Variants in MARCHF2 observed in about 807,000 individuals in gnomAD.
MARCHF2 encodes the protein membrane associated ring-CH-type finger 2.
A neutral mutation model predicts 24.0 loss-of-function variants in MARCHF2; 22 were observed. The observed-to-expected ratio is 0.92, with a 90% CI of 0.66 to 1.31. The LOEUF (loss-of-function observed/expected upper bound fraction) is 1.31, where lower values mean the gene tolerates loss of function less well. Among genes scored for constraint, MARCHF2 ranks in the 50% most tolerant of loss-of-function variants. MARCHF2 has a pLI of 0.00. For synonymous variants in MARCHF2, 154 were observed against 153.0 expected (o/e 1.01, Z -0.05); for missense variants, 301 against 335.3 (o/e 0.90, Z 0.80).
chr19:8,421,533 G>A (rs370033449), intron 1 of MARCHF2, among the ~76,000 whole-genome samples: 1 of 151,992 alleles, frequency 6.6e-6, no homozygotes, highest in African/African-American at 2.4e-5. Context: ...GGCCAGGGAA[G>A]CATAGCTTTT....
chr19:8,433,167 G>A (rs1188957848), intron 4 of MARCHF2, among the ~76,000 whole-genome samples: 1 of 151,694 alleles, frequency 6.6e-6, no homozygotes, highest in Non-Finnish European at 1.5e-5. Context: ...GCAGTGAGCC[G>A]AGATTGCACC....
intron 3 of MARCHF2, among the ~76,000 whole-genome samples, chr19:8,427,519 GA>G (rs71175855): frequency 0.062 from 8,228 of 131,988 alleles, 370 homozygotes; most frequent in African/African-American, 0.13. Context: ...TGAGGTTACA[GA>G]AAAAAAAAAA....
chr19:8,425,538 T>C (rs1049192867), intron 2 of MARCHF2, among the ~76,000 whole-genome samples: 1 of 151,908 alleles, frequency 6.6e-6, no homozygotes, highest in Non-Finnish European at 1.5e-5. Flanking sequence ...GAGCTACTGC[T>C]CCCGGCCTGG....
intron 4 of MARCHF2, among the ~76,000 whole-genome samples, chr19:8,436,260 G>A (rs977125699): frequency 1.3e-5 from 2 of 151,658 alleles, no homozygotes; most frequent in African/African-American, 2.4e-5. Context: ...TCAGCCTCCC[G>A]AGTAGCTGGG....
chr19:8,420,680 C>T (rs1599702528), intron 1 of MARCHF2, among the ~76,000 whole-genome samples: 1 of 152,116 alleles, frequency 6.6e-6, no homozygotes, highest in African/African-American at 2.4e-5. Flanking sequence ...GACAGGTTCT[C>T]ACTCTGTGGC....
intron 1 of MARCHF2, among the ~76,000 whole-genome samples, chr19:8,421,298 A>G (rs1243016811): frequency 5.7e-5 from 8 of 140,448 alleles, no homozygotes; most frequent in African/African-American, 1.6e-4. Context: ...AATTTTTTGT[A>G]TTTTTAGTAG....
chr19:8,415,109 T>C (rs935580220), intron 1 of MARCHF2, among the ~76,000 whole-genome samples: 1 of 152,172 alleles, frequency 6.6e-6, no homozygotes, highest in Non-Finnish European at 1.5e-5. Flanking sequence ...CAATGAGATC[T>C]ATCTCCAGGC....
At chr19:8,429,449 C>G (rs1234860324) in intron 3 of MARCHF2, among the ~76,000 whole-genome samples, 1 of 150,858 alleles carries the variant, frequency 6.6e-6, no homozygotes, top group Non-Finnish European at 1.5e-5. Context: ...AAGACCCTGT[C>G]TCTACAAAAA....
chr19:8,429,251 A>G (rs1162332457), intron 3 of MARCHF2, among the ~76,000 whole-genome samples: 3 of 151,580 alleles, frequency 2.0e-5, no homozygotes, highest in Non-Finnish European at 4.4e-5. Flanking sequence ...CCGTTCACCC[A>G]TTTCATACCT....
At chr19:8,425,442 C>T (rs973956883) in intron 2 of MARCHF2, among the ~76,000 whole-genome samples, 1 of 151,448 alleles carries the variant, frequency 6.6e-6, no homozygotes, top group East Asian at 2.0e-4. Flanking sequence ...GATGAGATCT[C>T]ACTAGGTTGC....
Position 8,413,366 on chromosome 19 carries a change from G to C in MARCHF2, c.-107G>C, listed in dbSNP as rs890849. 0.2 allele frequency: 30,652 copies of C among 151,558 alleles called. 3,722 individuals carry two copies. The highest frequency in any genetic ancestry group is 0.61 in the East Asian group (3,114 of 5,116). The allele number at this position is 151,558 out of a possible 1,614,324, so 9.4% of individuals were successfully genotyped here. On this transcript the variant is annotated 5_prime_UTR_variant, in exon 1 of 5. Transcript: ENST00000215555. The stretch of plus-strand genomic sequence containing the variant: ...CGACGGGCCGGGCCGGGCCGGGACC[G>C]GGGCCGAGGCGAACCGAGGGGCCTG...
chr19:8,426,770 T>C lies in MARCHF2; in HGVS notation c.338T>C (p.Phe113Ser), dbSNP rs757969192. 21 of 1,612,412 alleles carry C rather than the reference T, an allele frequency of 1.3e-5. No individual in the cohort carries two copies. The highest frequency in any genetic ancestry group is 1.8e-5 in the Non-Finnish European group (21 of 1,180,006). The change falls in exon 3 of 5, where the codon TTT (phenylalanine) becomes TCT (serine). Residue 113 changes from phenylalanine (F) to serine (S), a missense_variant. Coordinates refer to ENST00000215555, the MANE Select transcript of MARCHF2 (RefSeq NM_001005415.2). Reference protein sequence around the residue: ...TSYCELCHTEFAVEKRPRPLT... With the variant: ...TSYCELCHTESAVEKRPRPLT... Reference sequence around the variant, plus strand: ...TACTGCGAGCTGTGCCACACGGAGTTTGCAGTGGAGAAACGGCCTCGACCC... The same window carrying C: ...TACTGCGAGCTGTGCCACACGGAGTCTGCAGTGGAGAAACGGCCTCGACCC...
chr19:8,431,669 TCTAC>T (rs1967590692), intron 4 of MARCHF2, among the ~76,000 whole-genome samples: 1 of 150,636 alleles, frequency 6.6e-6, no homozygotes, highest in Admixed American at 6.6e-5. Context: ...AAACCTTGTC[TCTAC>T]TAAAAATACA....
In MARCHF2 at chr19:8,413,341, C is replaced by G. The variant is rs1001183560; in HGVS notation, c.-132C>G. On this transcript the variant is annotated 5_prime_UTR_variant, in exon 1 of 5. Transcript: ENST00000215555. ...CCGGCCGGAGCGGAGCTAGTGGCGC[C>G]GACGGGCCGGGCCGGGCCGGGACCG... 2.6e-5 allele frequency: 4 copies of G among 151,446 alleles called. No homozygotes were observed. Among genetic ancestry groups the G allele is most frequent in the Admixed American group, 6.6e-5 (1 of 15,216 alleles). 9.4% of individuals were successfully genotyped at this position (151,446 alleles called of 1,614,324 possible). A position where few individuals can be genotyped will look rare whatever the true frequency, so the allele number is the denominator to read the frequency against.
rs150254454 is a variant in MARCHF2, at chr19:8,414,267, A to T, written c.-53+847A>T. 3.1e-3 allele frequency among the ~76,000 whole-genome samples: 467 copies of T among 149,424 alleles called. 4 individuals carry two copies. Among genetic ancestry groups the T allele is most frequent in the Non-Finnish European group, 4.4e-3 (296 of 67,458 alleles). On this transcript the variant is annotated intron_variant, in intron 1 of 4. Transcript: ENST00000215555. The stretch of plus-strand genomic sequence containing the variant: ...AATTTATGAACTACATATCATTATG[A>T]CTCCCCGTCTTTTTTTTTTTTAGAC...
At chr19:8,434,832 G>C (rs367962126) in intron 4 of MARCHF2, among the ~76,000 whole-genome samples, 1 of 151,954 alleles carries the variant, frequency 6.6e-6, no homozygotes, top group African/African-American at 2.4e-5. Flanking sequence ...TCAGCCTCCC[G>C]AGTAGCTGGG....
chr19:8,421,883 G>T lies in MARCHF2; in HGVS notation c.43G>T (p.Asp15Tyr). ...DCCHLPGSLCDCSGSPAFSKV... is the reference protein window; with the variant it reads ...DCCHLPGSLCYCSGSPAFSKV... ...CTGCCACCTCCCCGGCTCCCTGTGT[G>T]ACTGCTCCGGCAGCCCTGCCTTCTC... is the stretch of plus-strand genomic sequence containing the variant. The change falls in exon 2 of 5, where the codon GAC (aspartate) becomes TAC (tyrosine). Residue 15 changes from aspartate to tyrosine, a missense_variant. Coordinates refer to ENST00000215555, the MANE Select transcript of MARCHF2 (RefSeq NM_001005415.2). 6.2e-7 allele frequency: 1 copy of T among 1,613,482 alleles called. No individual in the cohort carries two copies. Among genetic ancestry groups the T allele is most frequent in the Non-Finnish European group, 8.5e-7 (1 of 1,179,774 alleles).
intron 1 of MARCHF2, among the ~76,000 whole-genome samples, chr19:8,419,905 T>C (rs926964050): frequency 8.0e-5 from 12 of 149,562 alleles, no homozygotes; most frequent in Non-Finnish European, 1.3e-4. Context: ...ACACCTGTAA[T>C]CCTAGCACTT....
At chr19:8,415,619 G>A (rs1210107548) in intron 1 of MARCHF2, among the ~76,000 whole-genome samples, 1 of 149,788 alleles carries the variant, frequency 6.7e-6, no homozygotes, top group Admixed American at 6.7e-5. Flanking sequence ...TACTCTGGTG[G>A]TTGAGGCAGG....
Sources: gnomAD v4.1 joint callset for allele counts (sites outside exome capture counted in the v4.1 genomes callset) on GRCh38, gnomAD v4.1.1 for gene constraint, MANE v1.5 for transcripts, NCBI Gene and HGNC (gene_info 2026-07-23, HGNC 2026-07-21) for gene names.